Variants in PRICKLE2 observed in about 807,000 individuals in gnomAD.
PRICKLE2 encodes prickle planar cell polarity protein 2, also known as prickle-like protein 2.
In PRICKLE2, 21 loss-of-function variants were observed where a neutral mutation model predicts 81.4. The observed-to-expected ratio is 0.26, with a 90% CI of 0.18 to 0.37. The LOEUF is 0.37. PRICKLE2 is among the 10% of genes least tolerant of loss of function. The pLI, the probability that PRICKLE2 is intolerant of heterozygous loss-of-function variation, is 1.00. For missense variants in PRICKLE2, 940 were observed against 1,109.0 expected, an observed-to-expected ratio of 0.85 and a Z score of 2.16; for synonymous variants, 456 against 421.5, an observed-to-expected ratio of 1.08 and a Z score of -1.00.
chr3:64,147,779 T>G lies in PRICKLE2; in HGVS notation c.788-77A>C. The G allele has an allele frequency of 6.6e-7, 1 of 1,524,754 alleles. No individual in the cohort carries two copies. Among genetic ancestry groups the G allele is most frequent in the Non-Finnish European group, 9.1e-7 (1 of 1,101,454 alleles). 94.5% of individuals were successfully genotyped at this position (1,524,754 alleles called of 1,614,324 possible). On this transcript the variant is annotated intron_variant, in intron 6 of 7. Transcript: ENST00000638394. This position sits in a 1 kb window ranked among gnomAD's most constrained non-coding sequence, Gnocchi z 5.0. ...ACTGGGACGTGAAACACATAGCACCTTGGTTTGTCTCAGGATTCCAGGTGC... is the reference window on the plus strand; with the variant it reads ...ACTGGGACGTGAAACACATAGCACCGTGGTTTGTCTCAGGATTCCAGGTGC...
intron 1 of PRICKLE2, among the ~76,000 whole-genome samples, chr3:64,224,301 GT>G (rs2079000335): frequency 6.6e-6 from 1 of 152,106 alleles, no homozygotes; most frequent in South Asian, 2.1e-4. Flanking sequence ...GCTATGATTG[GT>G]TTTCGAGAAG....
Position 64,099,410 on chromosome 3 carries a change from A to G in PRICKLE2, c.2176T>C (p.Phe726Leu), listed in dbSNP as rs1172358632. 2 of 1,598,914 alleles carry G rather than the reference A, an allele frequency of 1.3e-6. No homozygotes were observed. Among genetic ancestry groups the G allele is most frequent in the Admixed American group, 1.7e-5 (1 of 58,726 alleles). The change falls in exon 8 of 8, where the codon TTT becomes CTT. Residue 726 changes from phenylalanine (F) to leucine (L), a missense_variant. Physicochemically the swap from Phe to Leu is conservative, Grantham distance 22 (BLOSUM62 0). Around this residue, in one of 2 missense-constraint regions of PRICKLE2, gnomAD observed 670 missense variants for 717.2 expected, o/e 0.93. Coordinates refer to ENST00000638394, the MANE Select transcript of PRICKLE2 (RefSeq NM_198859.4). The surrounding 1 kb of genome is among the most constrained non-coding windows in gnomAD (Gnocchi z 4.3). ...PLRAREDYDQFMRQRSFQESM... is the reference protein window; with the variant it reads ...PLRAREDYDQLMRQRSFQESM... ...TCCTGGAAGCTCCGCTGGCGCATAA[A>G]TTGGTCATAGTCCTCCCTGGCTCTC...
At chr3:64,233,768 A>G (rs1338298572) in intron 2 of PRICKLE2, among the ~76,000 whole-genome samples, 1 of 152,172 alleles carries the variant, frequency 6.6e-6, no homozygotes, top group African/African-American at 2.4e-5. Context: ...AACCATCACC[A>G]CAATCTAACT....
At chr3:64,211,159 G>T (rs991856567) in intron 1 of PRICKLE2, among the ~76,000 whole-genome samples, 1 of 152,098 alleles carries the variant, frequency 6.6e-6, no homozygotes, top group East Asian at 1.9e-4. Flanking sequence ...TCTCCCACAG[G>T]CAAGACAAGC....
At chr3:64,259,649 T>G (rs1421249506) in intron 2 of PRICKLE2, among the ~76,000 whole-genome samples, 1 of 151,952 alleles carries the variant, frequency 6.6e-6, no homozygotes, top group Admixed American at 6.6e-5. Flanking sequence ...ATTATGAGAT[T>G]ATGTAGATTA....
intron 7 of PRICKLE2, among the ~76,000 whole-genome samples, chr3:64,120,126 C>T (rs750258155): frequency 1.3e-5 from 2 of 152,108 alleles, no homozygotes; most frequent in Non-Finnish European, 2.9e-5. Context: ...ACCTGGGTGA[C>T]AGGAGGAATC....
Position 64,099,602 on chromosome 3 carries a change from T to C in PRICKLE2, c.1984A>G (p.Ile662Val). 11 of 1,613,898 alleles carry C rather than the reference T, an allele frequency of 6.8e-6. No homozygotes were observed. The highest frequency in any genetic ancestry group is 9.3e-6 in the Non-Finnish European group (11 of 1,180,022). The change falls in exon 8 of 8, where the codon ATC becomes GTC. Residue 662 changes from isoleucine (I) to valine (V), a missense_variant. Transcript: ENST00000638394. The surrounding 1 kb of genome is among the most constrained non-coding windows in gnomAD (Gnocchi z 4.3). ...SKLPGQEGVR[I>V]QPMSERTRRR... is the part of the protein sequence containing the mutation. Reference sequence around the variant, plus strand: ...CGGGTGCGTTCACTCATGGGCTGGATCCTCACGCCCTCCTGCCCTGGCAGC... The same window carrying C: ...CGGGTGCGTTCACTCATGGGCTGGACCCTCACGCCCTCCTGCCCTGGCAGC...
chr3:64,160,150 A>C, intron 3 of PRICKLE2, 73 bp from the exon 4 acceptor site: 1 of 1,524,086 alleles, frequency 6.6e-7, no homozygotes, highest in African/African-American at 1.4e-5. Context: ...CATGACTCTG[A>C]GTTTTCTCGT....
intron 2 of PRICKLE2, among the ~76,000 whole-genome samples, chr3:64,167,290 G>C (rs541837986): frequency 6.6e-6 from 1 of 152,156 alleles, no homozygotes; most frequent in African/African-American, 2.4e-5. Context: ...TTTTCATTCT[G>C]TGTGTATTGA....
intron 5 of PRICKLE2, among the ~76,000 whole-genome samples, chr3:64,155,378 CAG>C (rs1171885281): frequency 7.4e-6 from 1 of 134,336 alleles, no homozygotes; most frequent in Non-Finnish European, 1.6e-5. Flanking sequence ...AAAAAAAAAA[CAG>C]ATAATAACAA....
chr3:64,227,075 G>C (rs568826519), upstream of PRICKLE2, among the ~76,000 whole-genome samples: 43 of 152,312 alleles, frequency 2.8e-4, no homozygotes, highest in African/African-American at 9.6e-4. Context: ...TATGTCTTTT[G>C]TTGTATGTAA....
At chr3:64,169,731 G>C (rs1180170822) in intron 2 of PRICKLE2, among the ~76,000 whole-genome samples, 1 of 152,088 alleles carries the variant, frequency 6.6e-6, no homozygotes, top group Non-Finnish European at 1.5e-5. Flanking sequence ...CTTAACCCAG[G>C]GACTAATTCG....
At chr3:64,204,727 A>G (rs539597423) in intron 1 of PRICKLE2, among the ~76,000 whole-genome samples, 4 of 152,170 alleles carry the variant, frequency 2.6e-5, no homozygotes, top group Non-Finnish European at 5.9e-5. Flanking sequence ...CTTCTCATTT[A>G]TAATTAACTG....
At chr3:64,179,609 C>T (rs533909434) in intron 2 of PRICKLE2, among the ~76,000 whole-genome samples, 1 of 152,254 alleles carries the variant, frequency 6.6e-6, no homozygotes, top group East Asian at 1.9e-4. Context: ...TTAGGCAATT[C>T]AAATTTTTTA....
intron 3 of PRICKLE2, among the ~76,000 whole-genome samples, chr3:64,162,425 C>T (rs1263185359): frequency 6.6e-6 from 1 of 152,060 alleles, no homozygotes; most frequent in East Asian, 1.9e-4. Context: ...CTTACAGTGC[C>T]ATGTTTCTGG....
chr3:64,219,947 C>T (rs553036027), intron 1 of PRICKLE2, among the ~76,000 whole-genome samples: 2 of 152,276 alleles, frequency 1.3e-5, no homozygotes, highest in African/African-American at 4.8e-5. Context: ...TAAGAATTAA[C>T]AAGACAAGTT....
Position 64,098,556 on chromosome 3 carries a change from C to A in PRICKLE2, c.*495G>T, listed in dbSNP as rs1277045672. 6 of 161,838 alleles carry A rather than the reference C, an allele frequency of 3.7e-5. No individual in the cohort carries two copies. Among genetic ancestry groups the A allele is most frequent in the Middle Eastern group, 6.8e-3 (2 of 296 alleles). 10.0% of individuals were successfully genotyped at this position (161,838 alleles called of 1,614,324 possible). ...AATGGTGGATGTGCATGCAAGTCCC[C>A]ACTGAGTCCTACGATATAGAAATTC... On this transcript the variant is annotated 3_prime_UTR_variant, in exon 8 of 8. Coordinates refer to ENST00000638394, the MANE Select transcript of PRICKLE2 (RefSeq NM_198859.4).
intron 7 of PRICKLE2, among the ~76,000 whole-genome samples, chr3:64,118,233 T>A (rs549307187): frequency 9.9e-5 from 15 of 152,048 alleles, no homozygotes; most frequent in Non-Finnish European, 1.3e-4. Flanking sequence ...AAACCTAAAC[T>A]ATAAAAACCT....
chr3:64,107,245 C>A (rs752001605), intron 7 of PRICKLE2, among the ~76,000 whole-genome samples: 1 of 152,146 alleles, frequency 6.6e-6, no homozygotes, highest in African/African-American at 2.4e-5. Context: ...CTATGGTACA[C>A]TGGCATTTCT....
Sources: gnomAD v4.1 joint callset for allele counts (sites outside exome capture counted in the v4.1 genomes callset) on GRCh38, gnomAD v4.1.1 for gene constraint, gnomAD v4.1.1 regional missense constraint, Gnocchi (gnomAD v3.1) non-coding constraint, MANE v1.5 for transcripts, NCBI Gene and HGNC (gene_info 2026-07-23, HGNC 2026-07-21) for gene names.